CALN1: variants seen among roughly 807,000 people sequenced by gnomAD.
CALN1 encodes calcium-binding protein 8.
In CALN1, 17 loss-of-function variants were observed where a neutral mutation model predicts 30.6. That is an observed-to-expected ratio of 0.56 (90% CI 0.38 to 0.83). The LOEUF (loss-of-function observed/expected upper bound fraction) is 0.83, where lower values mean the gene tolerates loss of function less well. Ranked by LOEUF, CALN1 falls within the 40% of genes least tolerant of loss-of-function variation. The pLI is 0.00. For synonymous variants in CALN1, 156 were observed against 131.4 expected, an observed-to-expected ratio of 1.19 and a Z score of -1.28; for missense variants, 291 against 354.9, an observed-to-expected ratio of 0.82 and a Z score of 1.45.
intron 5 of CALN1, among the ~76,000 whole-genome samples, chr7:72,000,585 C>T (rs997518942): frequency 9.2e-5 from 14 of 152,020 alleles, no homozygotes; most frequent in Non-Finnish European, 2.1e-4. Flanking sequence ...TTGGAAAATT[C>T]TACCATTTAA....
intron 3 of CALN1, among the ~76,000 whole-genome samples, chr7:72,260,312 CT>C: frequency 6.6e-6 from 1 of 152,294 alleles, no homozygotes; most frequent in East Asian, 1.9e-4. Context: ...TGTTGAACTC[CT>C]TTGACAAACT....
At chr7:72,393,450 C>T (rs1805711336) in intron 2 of CALN1, among the ~76,000 whole-genome samples, 1 of 152,038 alleles carries the variant, frequency 6.6e-6, no homozygotes, top group Non-Finnish European at 1.5e-5. Context: ...GGAGAGAGAG[C>T]AAGACTCCGT....
intron 4 of CALN1, among the ~76,000 whole-genome samples, chr7:72,078,386 G>T (rs1479559613): frequency 1.3e-5 from 2 of 152,050 alleles, no homozygotes; most frequent in African/African-American, 4.8e-5. Flanking sequence ...TGGTCCTCTT[G>T]GGTAGTTGGG....
In CALN1 at chr7:71,869,186, C is replaced by T. The variant is rs545098831; in HGVS notation, c.502-58694G>A. Among the ~76,000 whole-genome samples, 289 of 151,986 alleles carry T rather than the reference C, an allele frequency of 1.9e-3. 1 individual carries two copies. The highest frequency in any genetic ancestry group is 6.7e-3 in the African/African-American group (276 of 41,476). The stretch of plus-strand genomic sequence containing the variant: ...AGATCTGTATAGCAGAGAATACATT[C>T]AACTTTTTCAAGACCTGGAAAAAAC... On this transcript the variant is annotated intron_variant, in intron 5 of 6. Transcript: ENST00000395275.
chr7:71,932,448 T>C (rs1795602286), intron 5 of CALN1, among the ~76,000 whole-genome samples: 1 of 152,072 alleles, frequency 6.6e-6, no homozygotes, highest in African/African-American at 2.4e-5. Context: ...GTTACAAGCA[T>C]GAGCTATCGT....
chr7:72,189,070 T>C (rs1790419074), intron 3 of CALN1, among the ~76,000 whole-genome samples: 3 of 152,192 alleles, frequency 2.0e-5, no homozygotes, highest in Non-Finnish European at 4.4e-5. Context: ...GATGCTGCTA[T>C]CCAAAATCAG....
At chr7:72,196,886 T>C (rs755893829) in intron 3 of CALN1, among the ~76,000 whole-genome samples, 12 of 152,092 alleles carry the variant, frequency 7.9e-5, no homozygotes, top group Non-Finnish European at 1.5e-4. Context: ...CCAAGACAAC[T>C]AGCTCCAAAA....
intron 3 of CALN1, among the ~76,000 whole-genome samples, chr7:72,234,689 G>C (rs780631100): frequency 5.3e-5 from 8 of 152,044 alleles, no homozygotes; most frequent in African/African-American, 1.9e-4. Flanking sequence ...CAAGTGATCC[G>C]CCCGCCTTGG....
intron 4 of CALN1, among the ~76,000 whole-genome samples, chr7:72,029,676 T>C (rs558759182): frequency 1.3e-5 from 2 of 152,150 alleles, no homozygotes; most frequent in Non-Finnish European, 2.9e-5. Context: ...AAATCCCTAA[T>C]GTATGAGGTT....
chr7:72,143,357 C>T (rs538212031), intron 3 of CALN1, among the ~76,000 whole-genome samples: 10 of 152,046 alleles, frequency 6.6e-5, no homozygotes, highest in East Asian at 3.9e-4. Context: ...ATTCGATCAA[C>T]GGGAAGAAAG....
intron 3 of CALN1, among the ~76,000 whole-genome samples, chr7:72,201,184 C>A (rs1444952560): frequency 6.6e-6 from 1 of 152,118 alleles, no homozygotes; most frequent in Non-Finnish European, 1.5e-5. Flanking sequence ...AACAGAAAAC[C>A]AAATGCTGCA....
At chr7:72,201,309 C>A (rs1365391400) in intron 3 of CALN1, among the ~76,000 whole-genome samples, 3 of 152,054 alleles carry the variant, frequency 2.0e-5, no homozygotes, top group Non-Finnish European at 4.4e-5. Flanking sequence ...AACTATTGTG[C>A]AGGGCACGGT....
chr7:72,130,362 G>A (rs1809053902), intron 3 of CALN1, among the ~76,000 whole-genome samples: 1 of 152,152 alleles, frequency 6.6e-6, no homozygotes, highest in Admixed American at 6.5e-5. Context: ...GTTAAATGAA[G>A]AAGCCAGATG....
chr7:72,375,568 G>GA (rs34885674), intron 2 of CALN1, among the ~76,000 whole-genome samples: 112,496 of 136,412 alleles, frequency 0.82, 46,563 homozygotes, highest in Non-Finnish European at 0.89. Flanking sequence ...CTGCCTCCAG[G>GA]AAAAAAAAAA....
intron 3 of CALN1, among the ~76,000 whole-genome samples, chr7:72,232,869 C>G (rs1260892331): frequency 6.6e-6 from 1 of 152,082 alleles, no homozygotes; most frequent in Non-Finnish European, 1.5e-5. Flanking sequence ...TGGAAGGAAA[C>G]AACAGACTTT....
chr7:72,461,404 C>T, the CALN1 span, among the ~76,000 whole-genome samples: 5 of 152,136 alleles, frequency 3.3e-5, no homozygotes, highest in Non-Finnish European at 7.4e-5. Context: ...TGGAATCAAC[C>T]CAGTTGCCCA....
intron 4 of CALN1, among the ~76,000 whole-genome samples, chr7:72,086,291 G>A (rs761535590): frequency 4.6e-5 from 7 of 152,020 alleles, no homozygotes; most frequent in Non-Finnish European, 8.8e-5. Context: ...TCAAATACTC[G>A]AAAATGGTTA....
At chr7:72,442,192 A>C (rs1226067956) in intron 1 of CALN1, among the ~76,000 whole-genome samples, 1 of 152,120 alleles carries the variant, frequency 6.6e-6, no homozygotes, top group Non-Finnish European at 1.5e-5. Context: ...CACCTTGATT[A>C]AATGTTCACC....
At chr7:71,904,849 G>A (rs61688132) in intron 5 of CALN1, among the ~76,000 whole-genome samples, 17,497 of 152,120 alleles carry the variant, frequency 0.12, 1,701 homozygotes, top group East Asian at 0.42. Context: ...GTAAAAATGA[G>A]AAGAGTTCAT....
Sources: gnomAD v4.1 joint callset for allele counts (sites outside exome capture counted in the v4.1 genomes callset) on GRCh38, gnomAD v4.1.1 for gene constraint, MANE v1.5 for transcripts, NCBI Gene and HGNC (gene_info 2026-07-23, HGNC 2026-07-21) for gene names.